The following PPFIA2 variants were observed in gnomAD, a reference collection of about 807,000 sequenced individuals.
PPFIA2 encodes liprin-alpha-2.
PPFIA2 carries 46 observed loss-of-function variants against 175.5 expected under a neutral mutation model. That is an observed-to-expected ratio of 0.26 (90% CI 0.21 to 0.34). PPFIA2 has a LOEUF of 0.34. PPFIA2 is among the 10% of genes least tolerant of loss of function. PPFIA2 has a pLI of 1.00. For missense variants in PPFIA2, 1,179 were observed against 1,506.1 expected (o/e 0.78, Z 3.60); for synonymous variants, 568 against 511.4 (o/e 1.11, Z -1.49).
At position 81,372,860 on chromosome 12, in the gene PPFIA2, A is replaced by G. The variant is rs1332493563; in HGVS notation, c.1266+1774T>C. 2.6e-5 allele frequency among the ~76,000 whole-genome samples: 4 copies of G among 151,718 alleles called. No individual in the cohort carries two copies. The East Asian group carries it at 7.7e-4, about 29-fold the overall frequency. ...GAATTCCAATTTTCTGAAAAATGAA[A>G]TCAAAGAGGTTCAGGGACAGTAAAG... On this transcript the variant is annotated intron_variant, in intron 11 of 32. Transcript: ENST00000549396.
In PPFIA2 at chr12:81,356,823, T is replaced by A. The variant is rs555524394; in HGVS notation, c.1773+1259A>T. On this transcript the variant is annotated intron_variant, in intron 16 of 32. Coordinates refer to ENST00000549396, the MANE Select transcript of PPFIA2 (RefSeq NM_003625.5). ...AAAACTGACAAACAAACAAACATAA[T>A]GCTTGTGAAATACAATAAAGCAAAG... 7.4e-4 allele frequency among the ~76,000 whole-genome samples: 112 copies of A among 152,248 alleles called. 3 individuals are homozygous for A. Among genetic ancestry groups the A allele is most frequent in the Middle Eastern group, 6.8e-3 (2 of 294 alleles).
rs148045761 is a variant in PPFIA2 at position 81,425,854 on chromosome 12, A to G, written c.645+14118T>C. On this transcript the variant is annotated intron_variant, in intron 7 of 32. Coordinates refer to ENST00000549396, the MANE Select transcript of PPFIA2 (RefSeq NM_003625.5). ...ACCATTTTGGCTTTATCAACATGTTATTAATTCATAATATGAGAGATCTAT... is the reference window on the plus strand; with the variant it reads ...ACCATTTTGGCTTTATCAACATGTTGTTAATTCATAATATGAGAGATCTAT... Among the ~76,000 whole-genome samples the G allele has an allele frequency of 2.7e-3, 406 of 152,300 alleles. 1 individual carries two copies. Among genetic ancestry groups the G allele is most frequent in the African/African-American group, 9.0e-3 (376 of 41,568 alleles).
chr12:81,643,715 C>A (rs2065672333), intron 4 of PPFIA2, among the ~76,000 whole-genome samples: 1 of 151,914 alleles, frequency 6.6e-6, no homozygotes, highest in Non-Finnish European at 1.5e-5. Context: ...TCTGGCTCAA[C>A]AAAATCCCAT....
At chr12:81,353,721 T>C (rs1456973672) in intron 16 of PPFIA2, among the ~76,000 whole-genome samples, 1 of 152,208 alleles carries the variant, frequency 6.6e-6, no homozygotes, top group Non-Finnish European at 1.5e-5. Flanking sequence ...TCTTCCTATA[T>C]TTTCTTATTA....
In PPFIA2 at chr12:81,277,423, TTTA is replaced by T; in HGVS notation, c.3213-12_3213-10del. The T allele has an allele frequency of 6.7e-7, 1 of 1,496,064 alleles. No homozygotes were observed. Among genetic ancestry groups the T allele is most frequent in the Non-Finnish European group, 8.8e-7 (1 of 1,131,298 alleles). The allele number at this position is 1,496,064 out of a possible 1,614,324, so 92.7% of individuals were successfully genotyped here. A position where few individuals can be genotyped will look rare whatever the true frequency, so the allele number is the denominator to read the frequency against. Reference sequence around the variant, plus strand: ...CATATTGTAAACTTGTTCTTTTTTTTTTATTAAAAAAAAAAAAACACAGTGAGT... The same window carrying T: ...CATATTGTAAACTTGTTCTTTTTTTTTTAAAAAAAAAAAAACACAGTGAGT... On this transcript the variant is annotated splice_polypyrimidine_tract_variant and intron_variant, in intron 27 of 32. Transcript: ENST00000549396.
At chr12:81,641,936 T>TAC (rs1230734770) in intron 4 of PPFIA2, among the ~76,000 whole-genome samples, 1 of 152,240 alleles carries the variant, frequency 6.6e-6, no homozygotes, top group Non-Finnish European at 1.5e-5. Context: ...ACTTTTGTAC[T>TAC]TGCATACTAT....
intron 11 of PPFIA2, among the ~76,000 whole-genome samples, chr12:81,373,695 T>C (rs2035717451): frequency 6.6e-6 from 1 of 151,782 alleles, no homozygotes; most frequent in Admixed American, 6.6e-5. Flanking sequence ...CACTGTTCAT[T>C]TTTAATTATT....
intron 3 of PPFIA2, among the ~76,000 whole-genome samples, chr12:81,704,141 AAATG>A (rs1183645209): frequency 1.3e-5 from 2 of 152,174 alleles, no homozygotes; most frequent in Non-Finnish European, 2.9e-5. Flanking sequence ...TCAATATGTG[AAATG>A]AATGAACTCA....
In PPFIA2 at chr12:81,745,645, G is replaced by C. The variant is rs142017630; in HGVS notation, c.249+8328C>G. ...CGAGTATACTCACCTATGGGCTTAA[G>C]ATAACCCTAAGCAAGCTCCCCTCAT... On this transcript the variant is annotated intron_variant, in intron 3 of 32. Coordinates refer to ENST00000549396, the MANE Select transcript of PPFIA2 (RefSeq NM_003625.5). Among the ~76,000 whole-genome samples the C allele has an allele frequency of 7.4e-4, 113 of 152,260 alleles. 2 individuals carry two copies. In the East Asian group the frequency reaches 0.021, roughly 28 times the overall value.
intron 4 of PPFIA2, among the ~76,000 whole-genome samples, chr12:81,537,031 A>T (rs1211961346): frequency 6.6e-6 from 1 of 151,490 alleles, no homozygotes; most frequent in Non-Finnish European, 1.5e-5. Flanking sequence ...CTCTTTATAG[A>T]ATACAATACA....
chr12:81,276,235 G>C (rs527875096), intron 28 of PPFIA2, among the ~76,000 whole-genome samples: 1 of 152,284 alleles, frequency 6.6e-6, no homozygotes, highest in South Asian at 2.1e-4. Context: ...GGTGAACACA[G>C]AGTATGCAGT....
chr12:81,409,173 G>T (rs2043450039), intron 7 of PPFIA2, among the ~76,000 whole-genome samples: 1 of 152,076 alleles, frequency 6.6e-6, no homozygotes. Context: ...ATGAAAAGAA[G>T]CTAATGGCCT....
intron 4 of PPFIA2, among the ~76,000 whole-genome samples, chr12:81,661,703 T>C (rs1009445315): frequency 3.9e-5 from 6 of 152,188 alleles, no homozygotes; most frequent in African/African-American, 1.4e-4. Context: ...GCAGACCTAA[T>C]AGACATCTAC....
intron 8 of PPFIA2, among the ~76,000 whole-genome samples, chr12:81,396,650 A>G (rs2041186492): frequency 6.6e-6 from 1 of 152,122 alleles, no homozygotes; most frequent in African/African-American, 2.4e-5. Context: ...TTGTATCAAA[A>G]TATCACATGC....
chr12:81,321,760 T>C lies in PPFIA2; in HGVS notation c.2642+4017A>G, dbSNP rs561041270. 6.6e-5 allele frequency among the ~76,000 whole-genome samples: 10 copies of C among 152,348 alleles called. No homozygotes were observed. The South Asian group carries it at 2.1e-3, about 32-fold the overall frequency. On this transcript the variant is annotated intron_variant, in intron 22 of 32. Coordinates refer to ENST00000549396, the MANE Select transcript of PPFIA2 (RefSeq NM_003625.5). ...AGGCAAAGAAGAGAGTTTCTATTTA[T>C]TGTGCCCTAAAATACTCAAATATAG...
chr12:81,353,337 C>A lies in PPFIA2; in HGVS notation c.1776G>T (p.Val592=). Residue 592 remains valine, a splice_region_variant and synonymous_variant, in exon 17 of 33, where the codon GTG becomes GTT. Transcript: ENST00000549396. ...RMGVRRDEPK[V]KSLGDHEWNR... ...TCCACTCGTGATCCCCAAGAGATTTCACCTGAATGGTGAATGAAAAAATGC... is the reference window on the plus strand; with the variant it reads ...TCCACTCGTGATCCCCAAGAGATTTAACCTGAATGGTGAATGAAAAAATGC... 1 of 1,607,950 alleles carries A rather than the reference C, an allele frequency of 6.2e-7. No homozygotes were observed. Among genetic ancestry groups the A allele is most frequent in the Non-Finnish European group, 8.5e-7 (1 of 1,174,560 alleles).
At chr12:81,738,260 A>C (rs762026034) in intron 3 of PPFIA2, among the ~76,000 whole-genome samples, 3 of 152,086 alleles carry the variant, frequency 2.0e-5, no homozygotes, top group African/African-American at 7.2e-5. Context: ...TATCTCCAGT[A>C]GAAATACCTT....
chr12:81,369,912 A>G (rs2034623786), intron 11 of PPFIA2, among the ~76,000 whole-genome samples: 1 of 151,836 alleles, frequency 6.6e-6, no homozygotes, highest in South Asian at 2.1e-4. Context: ...AAAAAACAAT[A>G]ATATACTAAA....
chr12:81,663,820 G>A (rs2069491323), intron 4 of PPFIA2, among the ~76,000 whole-genome samples: 1 of 152,126 alleles, frequency 6.6e-6, no homozygotes, highest in South Asian at 2.1e-4. Context: ...AAAACAGCAT[G>A]GTACTGGTAC....
Sources: gnomAD v4.1 joint callset for allele counts (sites outside exome capture counted in the v4.1 genomes callset) on GRCh38, gnomAD v4.1.1 for gene constraint, MANE v1.5 for transcripts, NCBI Gene and HGNC (gene_info 2026-07-23, HGNC 2026-07-21) for gene names.